The following STPG2 variants were observed in gnomAD, a reference collection of about 807,000 sequenced individuals.
The protein encoded by STPG2 is sperm-tail PG-rich repeat-containing protein 2.
STPG2 carries 56 observed loss-of-function variants against 54.2 expected under a neutral mutation model. The observed-to-expected ratio is 1.03, with a 90% CI of 0.83 to 1.29. STPG2 has a LOEUF of 1.29. Ranked by LOEUF, STPG2 falls within the 50% of genes most tolerant of loss-of-function variation. STPG2 has a pLI of 0.00. For missense variants in STPG2, 596 were observed against 544.9 expected (o/e 1.09, Z -0.93); for synonymous variants, 200 against 181.8 (o/e 1.10, Z -0.81).
chr4:98,025,584 C>T (rs1736388975), intron 5 of STPG2: 3 of 738,510 alleles, frequency 4.1e-6, no homozygotes, highest in South Asian at 2.8e-5. Context: ...ATTGCTTATG[C>T]CCATATAGAC....
intron 8 of STPG2, among the ~76,000 whole-genome samples, chr4:97,881,551 G>A (rs1424877070): frequency 6.6e-6 from 1 of 152,084 alleles, no homozygotes; most frequent in African/African-American, 2.4e-5. Context: ...TAAATAAAAT[G>A]ACTTAGATGA....
At chr4:97,574,887 T>G (rs1056364468) in intron 10 of STPG2, among the ~76,000 whole-genome samples, 1 of 152,024 alleles carries the variant, frequency 6.6e-6, no homozygotes, top group Non-Finnish European at 1.5e-5. Flanking sequence ...AAAAATTTTA[T>G]TTAATAGTTA....
intron 10 of STPG2, chr4:97,633,455 T>G (rs1365247789): frequency 6.6e-6 from 1 of 152,126 alleles, no homozygotes; most frequent in Non-Finnish European, 1.5e-5. Flanking sequence ...CATAAAAAGA[T>G]ATTTAAAATA....
intron 5 of STPG2, among the ~76,000 whole-genome samples, chr4:98,075,578 T>C (rs566588474): frequency 3.0e-4 from 46 of 152,206 alleles, no homozygotes; most frequent in Non-Finnish European, 6.0e-4. Context: ...CTCCTTTATT[T>C]GCTTCTGCTG....
rs981005928 is a variant in STPG2, at chr4:97,992,083, G to A, written c.613-10765C>T. Reference sequence around the variant, plus strand: ...CCCTGCTGATTATTACTTTTCCCGTGCAGAAGCTTTTTAGTTTAATTAAAT... The same window carrying A: ...CCCTGCTGATTATTACTTTTCCCGTACAGAAGCTTTTTAGTTTAATTAAAT... On this transcript the variant is annotated intron_variant, in intron 5 of 10. Coordinates refer to ENST00000295268, the MANE Select transcript of STPG2 (RefSeq NM_174952.3). Among the ~76,000 whole-genome samples the A allele has an allele frequency of 7.5e-5, 10 of 133,810 alleles. No individual in the cohort carries two copies. In the East Asian group the frequency reaches 1.2e-3, roughly 16 times the overall value. The allele number at this position is 133,810 out of a possible 152,430, so 87.8% of individuals were successfully genotyped here. A position where few individuals can be genotyped will look rare whatever the true frequency, so the allele number is the denominator to read the frequency against.
intron 10 of STPG2, among the ~76,000 whole-genome samples, chr4:97,694,608 A>G (rs985127085): frequency 1.3e-5 from 2 of 151,778 alleles, no homozygotes; most frequent in Admixed American, 1.3e-4. Flanking sequence ...GGAGATCGAT[A>G]TCATCCTAGT....
At chr4:97,927,290 TTTG>T (rs1732368022) in intron 8 of STPG2, among the ~76,000 whole-genome samples, 1 of 152,132 alleles carries the variant, frequency 6.6e-6, no homozygotes, top group African/African-American at 2.4e-5. Context: ...TTTCAAGTCA[TTTG>T]TTAACTTTTA....
intron 10 of STPG2, among the ~76,000 whole-genome samples, chr4:97,627,839 G>A (rs1353135436): frequency 6.7e-6 from 1 of 148,188 alleles, no homozygotes; most frequent in Non-Finnish European, 1.5e-5. Flanking sequence ...CCAGGAAACT[G>A]GTTGATGTAA....
At chr4:97,687,467 A>G (rs1045745678) in intron 10 of STPG2, among the ~76,000 whole-genome samples, 8 of 151,850 alleles carry the variant, frequency 5.3e-5, no homozygotes, top group African/African-American at 1.9e-4. Context: ...AGCTTCCAGA[A>G]TAGCTGGGAT....
intron 10 of STPG2, among the ~76,000 whole-genome samples, chr4:97,686,239 T>C (rs1723183917): frequency 7.3e-6 from 1 of 136,358 alleles, no homozygotes; most frequent in Non-Finnish European, 1.6e-5. Flanking sequence ...TTTTTCTTTT[T>C]CTTTTCCTCT....
intron 5 of STPG2, among the ~76,000 whole-genome samples, chr4:98,020,592 G>T (rs1560639849): frequency 1.3e-5 from 2 of 152,146 alleles, no homozygotes; most frequent in Admixed American, 6.5e-5. Flanking sequence ...CAGAAGGAAT[G>T]GTACCAGCTC....
At chr4:97,921,054 C>A (rs76034507) in intron 8 of STPG2, among the ~76,000 whole-genome samples, 1 of 152,116 alleles carries the variant, frequency 6.6e-6, no homozygotes, top group Non-Finnish European at 1.5e-5. Flanking sequence ...GGGTGTAACA[C>A]AGAAATAATA....
At chr4:97,568,180 T>C (rs1560665376) in intron 10 of STPG2, among the ~76,000 whole-genome samples, 4 of 152,166 alleles carry the variant, frequency 2.6e-5, no homozygotes, top group Admixed American at 2.6e-4. Flanking sequence ...AAAAAATTAG[T>C]CCAAAAGAAA....
At chr4:97,619,037 T>C (rs1352361489) in intron 10 of STPG2, among the ~76,000 whole-genome samples, 1 of 152,208 alleles carries the variant, frequency 6.6e-6, no homozygotes, top group Non-Finnish European at 1.5e-5. Flanking sequence ...TATTTGTTCT[T>C]GTTTTCTTAT....
chr4:97,703,619 CTA>C lies in STPG2; in HGVS notation c.1320+9078_1320+9079del, dbSNP rs1391994141. 1.6e-4 allele frequency among the ~76,000 whole-genome samples: 21 copies of C among 132,206 alleles called. No individual in the cohort carries two copies. In the South Asian group the frequency reaches 1.6e-3, roughly 10 times the overall value. 86.7% of individuals were successfully genotyped at this position (132,206 alleles called of 152,430 possible). On this transcript the variant is annotated intron_variant, in intron 10 of 10. Coordinates refer to ENST00000295268, the MANE Select transcript of STPG2 (RefSeq NM_174952.3). ...CTATAAGTAGTGTATAGTATATATA[CTA>C]TATATATTATATATATAAATAAAAC...
At chr4:97,882,813 A>C (rs1430623794) in intron 8 of STPG2, among the ~76,000 whole-genome samples, 1 of 152,158 alleles carries the variant, frequency 6.6e-6, no homozygotes, top group Non-Finnish European at 1.5e-5. Flanking sequence ...ACAACCCTCC[A>C]TGTTAAGCCC....
intron 8 of STPG2, among the ~76,000 whole-genome samples, chr4:97,881,246 C>G (rs775120161): frequency 6.6e-6 from 1 of 151,908 alleles, no homozygotes; most frequent in Non-Finnish European, 1.5e-5. Flanking sequence ...CTAAGCCAAC[C>G]CTCTCATTTT....
chr4:97,632,456 A>G (rs115203342), intron 10 of STPG2, among the ~76,000 whole-genome samples: 4,133 of 152,188 alleles, frequency 0.027, 85 homozygotes, highest in Non-Finnish European at 0.044. Flanking sequence ...CTATTTACTC[A>G]TAATGTGAGA....
intron 10 of STPG2, among the ~76,000 whole-genome samples, chr4:97,636,377 C>T (rs13435285): frequency 0.37 from 44,968 of 120,134 alleles, 9,918 homozygotes; most frequent in South Asian, 0.51. Context: ...TAAATGCCCA[C>T]AAGAGAAAGC....
Sources: allele counts gnomAD v4.1 joint callset (sites outside exome capture counted in the v4.1 genomes callset), GRCh38; gene constraint gnomAD v4.1.1; transcripts MANE v1.5; gene names NCBI Gene and HGNC (gene_info 2026-07-23, HGNC 2026-07-21).